The following BLTP1 variants were observed in gnomAD, a reference collection of about 807,000 sequenced individuals.
BLTP1 encodes the protein bridge-like lipid transfer protein family member 1.
the BLTP1 span, chr4:122,328,901 A>C: frequency 2.5e-5 from 6 of 237,368 alleles, no homozygotes; most frequent in Admixed American, 3.9e-4. Flanking sequence ...AACCGCCCTC[A>C]AGTGAGGTTG....
At chr4:122,347,569 C>A in the BLTP1 span, 5 of 1,613,782 alleles carry the variant, frequency 3.1e-6, no homozygotes, top group Non-Finnish European at 4.2e-6. Flanking sequence ...AAGCCAACAC[C>A]TTTCCCCTGA....
the BLTP1 span, chr4:122,277,404 A>G: frequency 2.1e-6 from 2 of 965,270 alleles, no homozygotes; most frequent in Non-Finnish European, 2.5e-6. Flanking sequence ...TGGCTTCTAC[A>G]TAAATGTCCT....
chr4:122,254,567 C>A, the BLTP1 span: 1 of 943,408 alleles, frequency 1.1e-6, no homozygotes, highest in Admixed American at 6.2e-5. Flanking sequence ...ATATGTTCCT[C>A]TGCCTTAGAC....
the BLTP1 span, chr4:122,204,448 TGA>T: frequency 1.2e-6 from 1 of 841,860 alleles, no homozygotes; most frequent in Non-Finnish European, 1.4e-6. Context: ...TTACTATCCC[TGA>T]GTTAATAATG....
the BLTP1 span, among the ~76,000 whole-genome samples, chr4:122,325,002 C>T: frequency 5.9e-5 from 9 of 151,904 alleles, no homozygotes; most frequent in East Asian, 5.8e-4. Context: ...AGCACTATAA[C>T]GTAAGAAGTA....
the BLTP1 span, among the ~76,000 whole-genome samples, chr4:122,360,563 C>T: frequency 1.3e-5 from 2 of 152,266 alleles, no homozygotes; most frequent in South Asian, 4.1e-4. Context: ...TTTATTCAGA[C>T]ATATTTATGT....
the BLTP1 span, chr4:122,246,841 A>G: frequency 3.7e-6 from 6 of 1,602,410 alleles, no homozygotes; most frequent in Non-Finnish European, 4.3e-6. Flanking sequence ...CTGAGCCATG[A>G]TTATCTTGCT....
the BLTP1 span, chr4:122,287,806 C>G: frequency 9.3e-5 from 57 of 614,016 alleles, no homozygotes; most frequent in African/African-American, 1.0e-3. Context: ...CAGATTCTAA[C>G]AAGTCAAAGA....
the BLTP1 span, among the ~76,000 whole-genome samples, chr4:122,311,768 T>C: frequency 6.6e-6 from 1 of 152,152 alleles, no homozygotes; most frequent in South Asian, 2.1e-4. Context: ...CCATCAGAAG[T>C]TTAGATGTCT....
the BLTP1 span, chr4:122,207,832 TGG>T: frequency 1.1e-6 from 1 of 934,280 alleles, no homozygotes; most frequent in African/African-American, 1.8e-5. Context: ...TCTAAGAAAT[TGG>T]TCAATTAAAA....
chr4:122,175,521 A>T, the BLTP1 span, among the ~76,000 whole-genome samples: 1 of 152,112 alleles, frequency 6.6e-6, no homozygotes, highest in East Asian at 1.9e-4. Context: ...AAAAAGGAAA[A>T]CATTTCTGTT....
the BLTP1 span, chr4:122,207,421 A>G: frequency 6.9e-7 from 1 of 1,442,734 alleles, no homozygotes; most frequent in Non-Finnish European, 9.1e-7. Flanking sequence ...CAGAGTTTGT[A>G]TTGGACTAAA....
At chr4:122,214,971 C>T in the BLTP1 span, among the ~76,000 whole-genome samples, 1 of 151,926 alleles carries the variant, frequency 6.6e-6, no homozygotes, top group African/African-American at 2.4e-5. Context: ...TAAGAGAAAC[C>T]CTTAAGTCAC....
chr4:122,228,361 A>G, the BLTP1 span, among the ~76,000 whole-genome samples: 198 of 152,322 alleles, frequency 1.3e-3, 1 homozygote, highest in Non-Finnish European at 2.6e-3. Flanking sequence ...GAACATTTCT[A>G]TCACCTTAGA....
At chr4:122,333,264 C>T in the BLTP1 span, among the ~76,000 whole-genome samples, 1 of 55,708 alleles carries the variant, frequency 1.8e-5, no homozygotes, top group East Asian at 4.8e-4. Context: ...AAAAGTGTTC[C>T]TATTTCTCCG....
At chr4:122,230,205 C>T in the BLTP1 span, 1 of 1,611,884 alleles carries the variant, frequency 6.2e-7, no homozygotes, top group East Asian at 2.2e-5. Context: ...GATGCCAGAA[C>T]TAAGAGGTAG....
At chr4:122,158,648 G>C in the BLTP1 span, among the ~76,000 whole-genome samples, 5 of 152,116 alleles carry the variant, frequency 3.3e-5, no homozygotes, top group African/African-American at 9.7e-5. Flanking sequence ...GCGGGCACCT[G>C]TAGTCTCAGC....
At chr4:122,175,851 A>G in the BLTP1 span, 1 of 1,575,628 alleles carries the variant, frequency 6.3e-7, no homozygotes, top group Non-Finnish European at 8.7e-7. Context: ...CTTTCTTAGG[A>G]TTCAAGATGG....
chr4:122,303,265 C>G, the BLTP1 span, among the ~76,000 whole-genome samples: 1 of 152,186 alleles, frequency 6.6e-6, no homozygotes, highest in Non-Finnish European at 1.5e-5. Flanking sequence ...GATGACAGCA[C>G]ATCTTTTTAC....
Sources: allele counts gnomAD v4.1 joint callset (sites outside exome capture counted in the v4.1 genomes callset), GRCh38; gene constraint gnomAD v4.1.1; transcripts MANE v1.5; gene names NCBI Gene and HGNC (gene_info 2026-07-23, HGNC 2026-07-21).